DNASE2B: variants seen among roughly 807,000 people sequenced by gnomAD.
The protein encoded by DNASE2B is deoxyribonuclease-2-beta.
In DNASE2B, 43 loss-of-function variants were observed where a neutral mutation model predicts 46.0. The observed-to-expected ratio is 0.94, with a 90% CI of 0.73 to 1.21. DNASE2B has a LOEUF of 1.21. Ranked by LOEUF, DNASE2B falls within the 50% of genes most tolerant of loss-of-function variation. The pLI, the probability that DNASE2B is intolerant of heterozygous loss-of-function variation, is 0.00. For synonymous variants in DNASE2B, 156 were observed against 152.5 expected (o/e 1.02, Z -0.17); for missense variants, 395 against 414.4 (o/e 0.95, Z 0.41).
intron 2 of DNASE2B, among the ~76,000 whole-genome samples, chr1:84,404,147 C>A (rs1246392): frequency 9.9e-5 from 15 of 151,908 alleles, no homozygotes; most frequent in African/African-American, 3.4e-4. Context: ...TAATATTGAT[C>A]TGTGTTCTTG....
At chr1:84,403,253 T>G (rs1031970040) in intron 2 of DNASE2B, among the ~76,000 whole-genome samples, 5 of 152,238 alleles carry the variant, frequency 3.3e-5, no homozygotes, top group Non-Finnish European at 5.9e-5. Flanking sequence ...TTTGACTTCC[T>G]AAAAATTTAT....
chr1:84,410,103 T>C (rs1680561699), intron 3 of DNASE2B, among the ~76,000 whole-genome samples: 1 of 152,244 alleles, frequency 6.6e-6, no homozygotes, highest in African/African-American at 2.4e-5. Flanking sequence ...CTGGAAAGTC[T>C]AGCTATCATA....
chr1:84,409,766 G>C (rs796514694), intron 3 of DNASE2B, among the ~76,000 whole-genome samples: 1 of 152,130 alleles, frequency 6.6e-6, no homozygotes, highest in Non-Finnish European at 1.5e-5. Flanking sequence ...TAAAGAAGTA[G>C]GGCACAATAT....
In DNASE2B at chr1:84,414,997, T is replaced by G. The variant is rs1387548798; in HGVS notation, c.*129T>G. On this transcript the variant is annotated 3_prime_UTR_variant, in exon 6 of 6. Transcript: ENST00000370665. ...CTGCATATCACAAAATAAAACATTT[T>G]TCTCTCATGTTTACCATTTAATCTT... 3.0e-6 allele frequency: 2 copies of G among 657,070 alleles called. No individual in the cohort carries two copies. Among genetic ancestry groups the G allele is most frequent in the Admixed American group, 3.2e-5 (1 of 30,812 alleles). 40.7% of individuals were successfully genotyped at this position (657,070 alleles called of 1,614,324 possible).
chr1:84,406,075 T>C (rs1431440519), intron 2 of DNASE2B, among the ~76,000 whole-genome samples: 1 of 152,156 alleles, frequency 6.6e-6, no homozygotes, highest in Non-Finnish European at 1.5e-5. Context: ...CTGTGAGTTT[T>C]TTTTTTCAAA....
At chr1:84,410,687 A>G (rs1680572502) in intron 3 of DNASE2B, 151 bp from the exon 4 acceptor site, 7 of 804,382 alleles carry the variant, frequency 8.7e-6, no homozygotes, top group African/African-American at 1.8e-5. Flanking sequence ...TGTATTTGAA[A>G]TCTTTGAAAA....
chr1:84,403,261 T>A (rs1680450392), intron 2 of DNASE2B, among the ~76,000 whole-genome samples: 2 of 152,244 alleles, frequency 1.3e-5, no homozygotes, highest in South Asian at 4.1e-4. Flanking sequence ...CCTAAAAATT[T>A]ATCTACTAAC....
At chr1:84,411,158 C>A (rs889903644) in intron 4 of DNASE2B, among the ~76,000 whole-genome samples, 159 bp downstream of exon 4, 23 of 152,196 alleles carry the variant, frequency 1.5e-4, no homozygotes, top group Non-Finnish European at 2.4e-4. Context: ...CTTGGGCAGG[C>A]TCGCTTACTG....
At chr1:84,410,285 T>C (rs1680565862) in intron 3 of DNASE2B, among the ~76,000 whole-genome samples, 1 of 152,244 alleles carries the variant, frequency 6.6e-6, no homozygotes, top group Non-Finnish European at 1.5e-5. Context: ...ACTAGGATGC[T>C]TTAGCACAGC....
chr1:84,408,904 T>C (rs573280406), intron 3 of DNASE2B, among the ~76,000 whole-genome samples: 2 of 151,832 alleles, frequency 1.3e-5, no homozygotes, highest in African/African-American at 2.4e-5. Context: ...TTAGTCAGAT[T>C]TATTGAAGTA....
intron 2 of DNASE2B, among the ~76,000 whole-genome samples, chr1:84,405,541 T>C (rs1010373128): frequency 5.9e-5 from 9 of 152,196 alleles, no homozygotes; most frequent in Admixed American, 5.2e-4. Context: ...CTTTGCTTGT[T>C]AGAAGCATTT....
At chr1:84,412,099 CAT>C (rs1263841840) in intron 4 of DNASE2B, among the ~76,000 whole-genome samples, 2 of 152,120 alleles carry the variant, frequency 1.3e-5, no homozygotes, top group African/African-American at 4.8e-5. Context: ...TGCCTGATAA[CAT>C]GTTTGCTGTG....
At chr1:84,398,718 C>A (rs1680349299) in intron 1 of DNASE2B, 29 bp downstream of exon 1, 1 of 1,611,912 alleles carries the variant, frequency 6.2e-7, no homozygotes, top group Non-Finnish European at 8.5e-7. Context: ...AGGACTGCTG[C>A]ATGCAAACAG....
intron 1 of DNASE2B, among the ~76,000 whole-genome samples, chr1:84,400,106 C>T (rs113863973): frequency 0.022 from 3,389 of 152,224 alleles, 60 homozygotes; most frequent in South Asian, 0.038. Flanking sequence ...TGGTGGCTCA[C>T]GCCTGTAAGC....
rs369704172 is a variant in DNASE2B, at chr1:84,412,569, A to G, written c.745+23A>G. Reference sequence around the variant, plus strand: ...ACGGTATGAAAGACCATCATCAAACAACATGCTGTATAATTCTGCTGTTGA... The same window carrying G: ...ACGGTATGAAAGACCATCATCAAACGACATGCTGTATAATTCTGCTGTTGA... On this transcript the variant is annotated intron_variant, in intron 5 of 5. Coordinates refer to ENST00000370665, the MANE Select transcript of DNASE2B (RefSeq NM_021233.3). 96 of 1,580,380 alleles carry G rather than the reference A, an allele frequency of 6.1e-5. No homozygotes were observed. The African/African-American group carries it at 1.2e-3, about 20-fold the overall frequency.
intron 3 of DNASE2B, 76 bp downstream of exon 3, chr1:84,408,594 T>C (rs1680534868): frequency 4.6e-6 from 6 of 1,293,378 alleles, no homozygotes; most frequent in Non-Finnish European, 6.4e-6. Flanking sequence ...TGAGTATCCT[T>C]ATATTCCATA....
At chr1:84,404,215 T>A (rs1680465655) in intron 2 of DNASE2B, among the ~76,000 whole-genome samples, 3 of 152,154 alleles carry the variant, frequency 2.0e-5, no homozygotes, top group South Asian at 4.1e-4. Flanking sequence ...TTGAGTTATG[T>A]TCTGTTAATT....
chr1:84,414,570 TG>T lies in DNASE2B; in HGVS notation c.789del (p.Leu263PhefsTer2), dbSNP rs1156971803. 3 of 1,613,848 alleles carry T rather than the reference TG, an allele frequency of 1.9e-6. No individual in the cohort carries two copies. The Admixed American group carries it at 5.0e-5, about 27-fold the overall frequency. Reference protein sequence around the residue: ...AWMAQRLKTHLLTETWQRKRQ... With the variant: ...AWMAQRLKTHXLTETWQRKRQ... The stretch of plus-strand genomic sequence containing the variant: ...ATGGCTCAACGGCTGAAGACACACT[TG>T]TTAACAGAAACCTGGCAGCGAAAAA... On this transcript the variant is annotated frameshift_variant, in exon 6 of 6. Transcript: ENST00000370665. LOFTEE classifies it high-confidence loss of function.
intron 1 of DNASE2B, among the ~76,000 whole-genome samples, chr1:84,399,455 G>A (rs183895820): frequency 3.0e-4 from 45 of 152,238 alleles, no homozygotes; most frequent in African/African-American, 1.0e-3. Flanking sequence ...AAATATGAAC[G>A]AAACATGGTT....
Sources: gnomAD v4.1 joint callset for allele counts (sites outside exome capture counted in the v4.1 genomes callset) on GRCh38, gnomAD v4.1.1 for gene constraint, MANE v1.5 for transcripts, NCBI Gene and HGNC (gene_info 2026-07-23, HGNC 2026-07-21) for gene names.